MCC: variants seen among roughly 807,000 people sequenced by gnomAD.
The protein encoded by MCC is colorectal mutant cancer protein.
MCC carries 90 observed loss-of-function variants against 116.2 expected under a neutral mutation model. That is an observed-to-expected ratio of 0.77 (90% confidence interval 0.65 to 0.92). The LOEUF (loss-of-function observed/expected upper bound fraction) is 0.92, where lower values mean the gene tolerates loss of function less well. Among genes scored for constraint, MCC ranks in the 40% least tolerant of loss-of-function variants. The probability of loss-of-function intolerance (pLI) is 0.00; values close to 1 mark genes in which losing one functional copy is unlikely to be tolerated. For missense variants in MCC, 1,516 were observed against 1,312.2 expected (o/e 1.16, Z -2.40); for synonymous variants, 578 against 510.5 (o/e 1.13, Z -1.78).
chr5:113,056,788 A>T (rs150257738), intron 14 of MCC, among the ~76,000 whole-genome samples: 72 of 152,348 alleles, frequency 4.7e-4, no homozygotes, highest in African/African-American at 1.7e-3. Flanking sequence ...CACTCAATAA[A>T]TGCAGAAGTC....
intron 3 of MCC, among the ~76,000 whole-genome samples, chr5:113,163,956 C>T (rs1760638187): frequency 6.6e-6 from 1 of 152,110 alleles, no homozygotes; most frequent in Admixed American, 6.6e-5. Flanking sequence ...GATTTTCTTT[C>T]TCAGGTTTAT....
At chr5:113,239,575 G>A (rs1233019819) in intron 3 of MCC, among the ~76,000 whole-genome samples, 2 of 152,082 alleles carry the variant, frequency 1.3e-5, no homozygotes, top group African/African-American at 2.4e-5. Flanking sequence ...AAGAGGATGT[G>A]GGCTCAGCCA....
At chr5:113,226,102 C>T (rs749557534) in intron 3 of MCC, among the ~76,000 whole-genome samples, 2 of 152,226 alleles carry the variant, frequency 1.3e-5, no homozygotes, top group Admixed American at 6.5e-5. Flanking sequence ...CTTGAACCCG[C>T]AAGGCGAAGG....
chr5:113,298,716 C>T (rs1307867053), intron 3 of MCC, among the ~76,000 whole-genome samples: 2 of 152,016 alleles, frequency 1.3e-5, no homozygotes, highest in Admixed American at 1.3e-4. Flanking sequence ...ATACTTCTTC[C>T]TAGGAGAACA....
intron 1 of MCC, among the ~76,000 whole-genome samples, chr5:113,429,801 G>C (rs978422719): frequency 3.3e-5 from 5 of 152,164 alleles, no homozygotes; most frequent in Non-Finnish European, 7.3e-5. Context: ...AGGTGGCTGA[G>C]AGCTAAATAA....
intron 2 of MCC, among the ~76,000 whole-genome samples, chr5:113,354,624 G>A (rs531072857): frequency 1.3e-5 from 2 of 151,648 alleles, no homozygotes; most frequent in South Asian, 2.1e-4. Context: ...TAGGAGAGAC[G>A]GGGTTTCACC....
chr5:113,074,214 C>T (rs577504061), intron 11 of MCC, among the ~76,000 whole-genome samples: 14 of 152,222 alleles, frequency 9.2e-5, no homozygotes, highest in South Asian at 2.1e-4. Flanking sequence ...CAACATCTGC[C>T]GTTCTGCAGT....
At chr5:113,035,139 A>ACT (rs899990368) in intron 17 of MCC, among the ~76,000 whole-genome samples, 4 of 151,464 alleles carry the variant, frequency 2.6e-5, no homozygotes, top group African/African-American at 4.9e-5. Flanking sequence ...TCCAACAGCC[A>ACT]CTCTCTCTCC....
At chr5:113,281,684 A>C (rs1277494972) in intron 3 of MCC, among the ~76,000 whole-genome samples, 6 of 152,176 alleles carry the variant, frequency 3.9e-5, no homozygotes, top group Non-Finnish European at 5.9e-5. Context: ...ACTTGACACT[A>C]TTTGGATAAA....
At chr5:113,222,575 AT>A (rs1763591479) in intron 3 of MCC, among the ~76,000 whole-genome samples, 1 of 152,326 alleles carries the variant, frequency 6.6e-6, no homozygotes, top group East Asian at 1.9e-4. Context: ...ACTACAACTC[AT>A]TTGTCAGATA....
chr5:113,089,771 G>A (rs1406701658), intron 8 of MCC, among the ~76,000 whole-genome samples: 1 of 152,194 alleles, frequency 6.6e-6, no homozygotes, highest in Non-Finnish European at 1.5e-5. Context: ...GTACCCATCA[G>A]TGCAGTTCTA....
At chr5:113,250,637 A>G (rs1008408551) in intron 3 of MCC, among the ~76,000 whole-genome samples, 1 of 152,212 alleles carries the variant, frequency 6.6e-6, no homozygotes, top group Non-Finnish European at 1.5e-5. Context: ...AAATTATGTC[A>G]CACGCTTCCT....
chr5:113,194,550 C>T (rs569874830), intron 3 of MCC, among the ~76,000 whole-genome samples: 18 of 152,108 alleles, frequency 1.2e-4, no homozygotes, highest in Non-Finnish European at 2.5e-4. Context: ...CCCAGCTACT[C>T]GGAAAGCTGA....
intron 2 of MCC, among the ~76,000 whole-genome samples, chr5:113,349,115 A>G (rs1399288812): frequency 2.0e-5 from 3 of 152,050 alleles, no homozygotes; most frequent in African/African-American, 7.2e-5. Flanking sequence ...GCTGAATTCT[A>G]CCAAACATTT....
At chr5:113,049,805 G>A (rs918426867) in intron 15 of MCC, among the ~76,000 whole-genome samples, 1 of 152,176 alleles carries the variant, frequency 6.6e-6, no homozygotes, top group African/African-American at 2.4e-5. Flanking sequence ...CTGTAGCTGG[G>A]CCAGGCATGC....
intron 2 of MCC, among the ~76,000 whole-genome samples, chr5:113,343,718 C>A (rs1173277130): frequency 6.6e-6 from 1 of 152,200 alleles, no homozygotes; most frequent in African/African-American, 2.4e-5. Context: ...GCTGAATTAT[C>A]CATGGTTGTA....
At chr5:113,248,234 TTA>T (rs1491388762) in intron 3 of MCC, among the ~76,000 whole-genome samples, 4 of 108,730 alleles carry the variant, frequency 3.7e-5, no homozygotes, top group African/African-American at 2.2e-4. Context: ...TTGTATCTAT[TTA>T]AAAAAAAAAA....
chr5:113,395,020 C>T (rs1029546685), intron 1 of MCC, among the ~76,000 whole-genome samples: 2 of 152,136 alleles, frequency 1.3e-5, no homozygotes, highest in Admixed American at 1.3e-4. Context: ...TGACCCTTTA[C>T]AGAAAAAGTT....
intron 3 of MCC, among the ~76,000 whole-genome samples, chr5:113,315,615 C>T (rs1410722291): frequency 6.7e-6 from 1 of 150,362 alleles, no homozygotes; most frequent in African/African-American, 2.5e-5. Context: ...CATCTGTAAT[C>T]CTAGCACTTC....
Sources: gnomAD v4.1 joint callset for allele counts (sites outside exome capture counted in the v4.1 genomes callset) on GRCh38, gnomAD v4.1.1 for gene constraint, MANE v1.5 for transcripts, NCBI Gene and HGNC (gene_info 2026-07-23, HGNC 2026-07-21) for gene names.